Variants in DIAPH3 observed in about 807,000 individuals in gnomAD.
The protein encoded by DIAPH3 is diaphanous related formin 3.
DIAPH3 carries 117 observed loss-of-function variants against 144.3 expected under a neutral mutation model. The observed-to-expected ratio is 0.81, with a 90% CI of 0.70 to 0.95. The LOEUF is 0.95. DIAPH3 is among the 40% of genes least tolerant of loss of function. The pLI is 0.00. For missense variants in DIAPH3, 1,421 were observed against 1,412.7 expected, an observed-to-expected ratio of 1.01 and a Z score of -0.09; for synonymous variants, 519 against 488.9, an observed-to-expected ratio of 1.06 and a Z score of -0.81.
chr13:59,888,296 C>G (rs755624645), intron 20 of DIAPH3, among the ~76,000 whole-genome samples: 2 of 152,016 alleles, frequency 1.3e-5, no homozygotes, highest in African/African-American at 4.8e-5. Context: ...ATATATGAAT[C>G]AGAAATAAGT....
chr13:60,001,523 C>T (rs2052529148), intron 9 of DIAPH3, among the ~76,000 whole-genome samples: 1 of 152,208 alleles, frequency 6.6e-6, no homozygotes, highest in South Asian at 2.1e-4. Context: ...TTATCAGCCA[C>T]CTGGAAGCCA....
At chr13:60,106,591 C>T (rs961718839) in intron 3 of DIAPH3, among the ~76,000 whole-genome samples, 5 of 152,056 alleles carry the variant, frequency 3.3e-5, no homozygotes, top group African/African-American at 9.7e-5. Context: ...AGACAAGACT[C>T]GGTCTAGGAC....
At chr13:59,892,185 T>C (rs1593859456) in intron 20 of DIAPH3, among the ~76,000 whole-genome samples, 1 of 151,664 alleles carries the variant, frequency 6.6e-6, no homozygotes, top group South Asian at 2.1e-4. Context: ...GTAACATAGA[T>C]AGAGAATGAT....
chr13:59,990,532 C>T (rs1305439854), intron 12 of DIAPH3, among the ~76,000 whole-genome samples: 2 of 151,856 alleles, frequency 1.3e-5, no homozygotes, highest in Non-Finnish European at 2.9e-5. Flanking sequence ...TAAGCATACA[C>T]CATATGCCAA....
intron 4 of DIAPH3, among the ~76,000 whole-genome samples, chr13:60,061,895 C>T (rs1320823644): frequency 1.3e-5 from 2 of 152,080 alleles, no homozygotes; most frequent in East Asian, 1.9e-4. Context: ...TCCAATCCAG[C>T]TATGCACACC....
intron 20 of DIAPH3, among the ~76,000 whole-genome samples, chr13:59,892,061 TGGAATATACCATAAGTAAGCAGAG>T (rs2045833984): frequency 6.6e-6 from 1 of 151,470 alleles, no homozygotes; most frequent in East Asian, 1.9e-4. Flanking sequence ...CTGGTGCACA[TGGAATATACCATAAGTAAGCAGAG>T]GGAGAAGGGG....
At chr13:59,961,973 A>T (rs1231458287) in intron 17 of DIAPH3, among the ~76,000 whole-genome samples, 1 of 152,202 alleles carries the variant, frequency 6.6e-6, no homozygotes, top group African/African-American at 2.4e-5. Context: ...AATGCATCAG[A>T]GTAGTCTGCT....
intron 12 of DIAPH3, among the ~76,000 whole-genome samples, chr13:59,987,490 G>GAAAA (rs58336587): frequency 1.5e-5 from 1 of 66,292 alleles, no homozygotes; most frequent in Non-Finnish European, 3.1e-5. Flanking sequence ...AAAAAAAAAA[G>GAAAA]AAAAAAAAAA....
intron 15 of DIAPH3, 50 bp from the exon 16 acceptor site, chr13:59,971,210 A>C: frequency 6.7e-7 from 1 of 1,489,004 alleles, no homozygotes; most frequent in Non-Finnish European, 9.1e-7. Context: ...TCTACAAAAC[A>C]TGTAAATATG....
chr13:59,965,828 T>G (rs2050015346), intron 17 of DIAPH3, among the ~76,000 whole-genome samples: 1 of 152,134 alleles, frequency 6.6e-6, no homozygotes, highest in East Asian at 1.9e-4. Context: ...GCCTTATTCA[T>G]GCTGGTATCC....
At chr13:59,880,646 T>C (rs1441025325) in intron 20 of DIAPH3, among the ~76,000 whole-genome samples, 1 of 152,056 alleles carries the variant, frequency 6.6e-6, no homozygotes, top group African/African-American at 2.4e-5. Context: ...GACACTGCCT[T>C]AATGACTAAA....
At chr13:60,138,866 GTCTTCTCTTAATCA>G (rs1337001216) in intron 1 of DIAPH3, among the ~76,000 whole-genome samples, 1 of 151,280 alleles carries the variant, frequency 6.6e-6, no homozygotes, top group Non-Finnish European at 1.5e-5. Context: ...GAAAGGATTA[GTCTTCTCTTAATCA>G]TCTTCTCTTA....
At chr13:59,892,356 G>A (rs1165356086) in intron 20 of DIAPH3, among the ~76,000 whole-genome samples, 2 of 151,734 alleles carry the variant, frequency 1.3e-5, no homozygotes, top group East Asian at 3.9e-4. Flanking sequence ...AAGAAACAGA[G>A]ACTACATTAT....
intron 27 of DIAPH3, among the ~76,000 whole-genome samples, chr13:59,746,561 C>G (rs116578469): frequency 1.7e-3 from 259 of 152,242 alleles, no homozygotes; most frequent in African/African-American, 6.0e-3. Flanking sequence ...AAGACTTTAA[C>G]CCTGTTTTCA....
intron 27 of DIAPH3, among the ~76,000 whole-genome samples, chr13:59,723,959 T>A (rs1593675593): frequency 1.5e-5 from 2 of 133,788 alleles, no homozygotes; most frequent in African/African-American, 5.7e-5. Flanking sequence ...TGTTAAAAGT[T>A]AAAAAAAAAA....
chr13:59,686,732 C>A (rs555630050), intron 27 of DIAPH3, among the ~76,000 whole-genome samples: 1 of 151,956 alleles, frequency 6.6e-6, no homozygotes. Flanking sequence ...TGGCTTGTGT[C>A]AGAGGTTTAT....
intron 23 of DIAPH3, among the ~76,000 whole-genome samples, chr13:59,835,928 C>T (rs1243242903): frequency 1.3e-5 from 2 of 151,730 alleles, no homozygotes; most frequent in Non-Finnish European, 3.0e-5. Context: ...AGCATCTACC[C>T]AGTGATTTCA....
intron 5 of DIAPH3, among the ~76,000 whole-genome samples, chr13:60,020,711 A>C (rs2053958653): frequency 6.6e-6 from 1 of 152,248 alleles, no homozygotes; most frequent in South Asian, 2.1e-4. Flanking sequence ...ATACTGCACT[A>C]GGTATGAGAA....
rs139875554 is a variant in DIAPH3 at position 59,709,063 on chromosome 13, G to C, written c.3320-42217C>G. On this transcript the variant is annotated intron_variant, in intron 27 of 27. Transcript: ENST00000400324. ...AAACTCTTTAAAATCTGTAAAAAAT[G>C]CAGATCTATGCCCATTTGGAACAAA... Among the ~76,000 whole-genome samples, 397 of 152,044 alleles carry C rather than the reference G, an allele frequency of 2.6e-3. 3 individuals are homozygous for C. The highest frequency in any genetic ancestry group is 0.01 in the Middle Eastern group (3 of 294).
Sources: gnomAD v4.1 joint callset for allele counts (sites outside exome capture counted in the v4.1 genomes callset) on GRCh38, gnomAD v4.1.1 for gene constraint, MANE v1.5 for transcripts, NCBI Gene and HGNC (gene_info 2026-07-23, HGNC 2026-07-21) for gene names.